TDRD12: variants seen among roughly 807,000 people sequenced by gnomAD.
TDRD12 encodes the protein tudor domain containing 12.
TDRD12 carries 158 observed loss-of-function variants against 133.5 expected under a neutral mutation model. That is an observed-to-expected ratio of 1.18 (90% CI 1.04 to 1.35). The LOEUF (loss-of-function observed/expected upper bound fraction) is 1.35. Ranked by LOEUF, TDRD12 falls within the 40% of genes most tolerant of loss-of-function variation. The pLI, the probability that TDRD12 is intolerant of heterozygous loss-of-function variation, is 0.00. For missense variants in TDRD12, 1,443 were observed against 1,321.3 expected (o/e 1.09, Z -1.43); for synonymous variants, 460 against 477.9 (o/e 0.96, Z 0.49).
At position 32,803,333 on chromosome 19, in the gene TDRD12, A is replaced by G. The variant is rs544020470; in HGVS notation, c.2552+191A>G. On this transcript the variant is annotated intron_variant, in intron 21 of 27. Coordinates refer to ENST00000444215, the Ensembl canonical transcript of TDRD12. ...GGCTGTCAGTGTTGATTAACTTTGCATGATTTTGAACTCCATAGAAATGGC... is the reference window on the plus strand; with the variant it reads ...GGCTGTCAGTGTTGATTAACTTTGCGTGATTTTGAACTCCATAGAAATGGC... 2.1e-3 allele frequency among the ~76,000 whole-genome samples: 325 copies of G among 152,244 alleles called. 2 individuals are homozygous for G. The highest frequency in any genetic ancestry group is 7.6e-3 in the African/African-American group (314 of 41,526).
chr19:32,770,927 C>T (rs934163952), intron 8 of TDRD12, among the ~76,000 whole-genome samples: 9 of 152,200 alleles, frequency 5.9e-5, no homozygotes, highest in South Asian at 2.1e-4. Context: ...ATATATACTT[C>T]GTAGTTCTTT....
At chr19:32,774,883 G>C (rs1970537027) in intron 10 of TDRD12, among the ~76,000 whole-genome samples, 1 of 151,962 alleles carries the variant, frequency 6.6e-6, no homozygotes, top group South Asian at 2.1e-4. Context: ...TACTCGGGAG[G>C]CAGAGGCATG....
chr19:32,785,023 C>T (rs138638261), intron 11 of TDRD12, among the ~76,000 whole-genome samples: 2 of 152,226 alleles, frequency 1.3e-5, no homozygotes, highest in East Asian at 1.9e-4. Context: ...TTGTCTTCTG[C>T]CAGCTTTTGA....
rs1970740745 is a variant in TDRD12, at chr19:32,780,785, C to T, written c.1121+3556C>T. Among the ~76,000 whole-genome samples, 3 of 129,340 alleles carry T rather than the reference C, an allele frequency of 2.3e-5. No homozygotes were observed. The South Asian group carries it at 7.6e-4, about 33-fold the overall frequency. 84.9% of individuals were successfully genotyped at this position (129,340 alleles called of 152,430 possible). A position where few individuals can be genotyped will look rare whatever the true frequency, so the allele number is the denominator to read the frequency against. ...AAGTTAATAATTATCTTGTTTTTTT[C>T]TTTCCTTGGGTTTTTTTTTTTTTAA... is the stretch of plus-strand genomic sequence containing the variant. On this transcript the variant is annotated intron_variant, in intron 11 of 27. Transcript: ENST00000444215.
chr19:32,805,598 T>C (rs1971524425), intron 21 of TDRD12, among the ~76,000 whole-genome samples: 1 of 152,192 alleles, frequency 6.6e-6, no homozygotes, highest in African/African-American at 2.4e-5. Flanking sequence ...GGTCTAACTT[T>C]ATACCAGTAT....
At chr19:32,766,518 G>T (rs1440175633) in intron 8 of TDRD12, among the ~76,000 whole-genome samples, 1 of 152,006 alleles carries the variant, frequency 6.6e-6, no homozygotes, top group Non-Finnish European at 1.5e-5. Flanking sequence ...TTTTCTGTTT[G>T]TCTCATCTGG....
chr19:32,749,648 C>T, intron 5 of TDRD12, 136 bp from the exon 6 acceptor site: 1 of 612,432 alleles, frequency 1.6e-6, no homozygotes, highest in East Asian at 3.0e-5. Context: ...CTAACATGCT[C>T]CCCCTGGTCC....
intron 2 of TDRD12, among the ~76,000 whole-genome samples, chr19:32,732,774 T>C (rs1969098357): frequency 6.6e-6 from 1 of 152,242 alleles, no homozygotes; most frequent in Admixed American, 6.5e-5. Context: ...AATAACATAA[T>C]TTATTTTAGT....
chr19:32,735,451 A>G (rs1969195412), intron 2 of TDRD12, among the ~76,000 whole-genome samples: 1 of 152,216 alleles, frequency 6.6e-6, no homozygotes, highest in Admixed American at 6.5e-5. Flanking sequence ...CTGCAGGGAA[A>G]AAATGTGAAG....
rs117453062 is a variant in TDRD12 at position 32,795,062 on chromosome 19, C to T, written c.1473+249C>T. ...TAGAAATGGATATGGAGGCCAGGCA[C>T]GGTGGCTCACGCCTGTAATCCCAGC... On this transcript the variant is annotated intron_variant, in intron 14 of 27. Coordinates refer to ENST00000444215, the Ensembl canonical transcript of TDRD12. Among the ~76,000 whole-genome samples, 306 of 152,162 alleles carry T rather than the reference C, an allele frequency of 2.0e-3. 1 individual carries two copies. The highest frequency in any genetic ancestry group is 0.016 in the East Asian group (81 of 5,176).
At position 32,746,699 on chromosome 19, in the gene TDRD12, TGA is replaced by T. The variant is rs1376391180; in HGVS notation, c.441-1776_441-1775del. ...CTGGCTGATGTGGTTATTCTGTGTG[TGA>T]CAGAGAGGGGGAGAGAGACTGGCTG... On this transcript the variant is annotated intron_variant, in intron 4 of 27. Coordinates refer to ENST00000444215, the Ensembl canonical transcript of TDRD12. 2.0e-5 allele frequency among the ~76,000 whole-genome samples: 3 copies of T among 147,076 alleles called. No individual in the cohort carries two copies. The East Asian group carries it at 6.2e-4, about 30-fold the overall frequency.
chr19:32,798,530 T>C, intron 16 of TDRD12, 95 bp downstream of exon 16: 1 of 1,043,412 alleles, frequency 9.6e-7, no homozygotes, highest in Non-Finnish European at 1.3e-6. Context: ...GGTTGGGGAA[T>C]ACATTGGTTA....
intron 3 of TDRD12, among the ~76,000 whole-genome samples, chr19:32,739,652 GTGCTCTCTCTGCATCTC>G (rs1568450575): frequency 8.4e-5 from 12 of 143,686 alleles, no homozygotes; most frequent in African/African-American, 3.1e-4. Flanking sequence ...GCATCTCCTG[GTGCTCTCTCTGCATCTC>G]CTGCTGCTCT....
Position 32,749,228 on chromosome 19 carries a change from G to A in TDRD12, c.497-556G>A, listed in dbSNP as rs1466803796. On this transcript the variant is annotated intron_variant, in intron 5 of 27. Coordinates refer to ENST00000444215, the Ensembl canonical transcript of TDRD12. ...GAGTTTTGGCCCCTGTGAGCCATGG[G>A]GGCTGCTGGGAGATGAGAATGCGGG... Among the ~76,000 whole-genome samples, 3 of 152,122 alleles carry A rather than the reference G, an allele frequency of 2.0e-5. No homozygotes were observed. In the East Asian group the frequency reaches 5.8e-4, roughly 29 times the overall value.
chr19:32,734,947 C>A (rs962822769), intron 2 of TDRD12, among the ~76,000 whole-genome samples: 3 of 152,104 alleles, frequency 2.0e-5, no homozygotes. Context: ...CCACGAATTG[C>A]ACCCATGTAA....
At chr19:32,782,310 G>T (rs1970793368) in intron 11 of TDRD12, among the ~76,000 whole-genome samples, 1 of 152,070 alleles carries the variant, frequency 6.6e-6, no homozygotes, top group South Asian at 2.1e-4. Context: ...CCTTTTTTAT[G>T]GCTGCATAGT....
At chr19:32,810,038 A>C in intron 22 of TDRD12, 55 bp from the exon 23 acceptor site, 1 of 1,159,346 alleles carries the variant, frequency 8.6e-7, no homozygotes, top group Non-Finnish European at 1.2e-6. Flanking sequence ...GAATGTGTAC[A>C]TATCCGGTTT....
intron 24 of TDRD12, among the ~76,000 whole-genome samples, chr19:32,812,212 G>A (rs949081737): frequency 1.2e-4 from 19 of 152,052 alleles, no homozygotes; most frequent in African/African-American, 4.6e-4. Context: ...CCTGTGCTGA[G>A]GGCACAGGCA....
intron 8 of TDRD12, among the ~76,000 whole-genome samples, chr19:32,759,555 G>A (rs1970094509): frequency 6.6e-6 from 1 of 152,092 alleles, no homozygotes; most frequent in Non-Finnish European, 1.5e-5. Flanking sequence ...GGAGGCAGAG[G>A]TTTCAGTGAA....
Sources: gnomAD v4.1 joint callset for allele counts (sites outside exome capture counted in the v4.1 genomes callset) on GRCh38, gnomAD v4.1.1 for gene constraint, MANE v1.5 for transcripts, NCBI Gene and HGNC (gene_info 2026-07-23, HGNC 2026-07-21) for gene names.